Variants in ELK1 observed in about 807,000 individuals in gnomAD.
ELK1 encodes the protein ETS transcription factor ELK1, also known as ETS domain-containing protein Elk-1.
For missense variants in ELK1, 254 were observed against 381.5 expected (o/e 0.67, Z 2.78); for synonymous variants, 163 against 176.3 (o/e 0.92, Z 0.60).
chrX:47,641,400 C>T lies in ELK1; in HGVS notation c.42G>A (p.Leu14=), dbSNP rs923428272. The change falls in exon 3 of 7, where the codon CTG becomes CTA. Residue 14 remains leucine, a synonymous_variant. Transcript: ENST00000376983. ...TGTGGCCATTGCCTTGCTCTCTCAGCAGCTGCAGCAGAAACTGCCACAGCG... is the reference window on the plus strand; with the variant it reads ...TGTGGCCATTGCCTTGCTCTCTCAGTAGCTGCAGCAGAAACTGCCACAGCG... ...SVTLWQFLLQ[L]LREQGNGHII... The T allele has an allele frequency of 4.1e-6, 5 of 1,210,325 alleles. No homozygotes were observed. In the Admixed American group the frequency reaches 1.1e-4, roughly 26 times the overall value.
chrX:47,649,956 G>A lies in ELK1; in HGVS notation c.-70C>T, dbSNP rs2058055536. 9.3e-6 allele frequency: 1 copy of A among 107,612 alleles called. No individual in the cohort carries two copies. Among genetic ancestry groups the A allele is most frequent in the Non-Finnish European group, 1.9e-5 (1 of 52,001 alleles). The allele number at this position is 107,612 out of a possible 1,213,427, so 8.9% of individuals were successfully genotyped here. A position where few individuals can be genotyped will look rare whatever the true frequency, so the allele number is the denominator to read the frequency against. On this transcript the variant is annotated 5_prime_UTR_variant, in exon 2 of 7. Coordinates refer to ENST00000376983, the MANE Select transcript of ELK1 (RefSeq NM_001114123.3). Reference sequence around the variant, plus strand: ...GGATGCGGAGGAGTGCGGCGCCACGGATTGATTCGCTACGATGTACAGGAA... The same window carrying A: ...GGATGCGGAGGAGTGCGGCGCCACGAATTGATTCGCTACGATGTACAGGAA...
In ELK1 at chrX:47,642,388, T is replaced by C. The variant is rs1469498484; in HGVS notation, c.-34-913A>G. 1.9e-4 allele frequency among the ~76,000 whole-genome samples: 20 copies of C among 104,128 alleles called. No individual in the cohort carries two copies. The Admixed American group carries it at 2.1e-3, about 11-fold the overall frequency. The allele number at this position is 104,128 out of a possible 115,157, so 90.4% of individuals were successfully genotyped here. ...TTATCTGTATCTTCTACCATATCAA[T>C]GTCAAGTTTTTCAGGAGGTTTTTTT... On this transcript the variant is annotated intron_variant, in intron 2 of 6. Coordinates refer to ENST00000376983, the MANE Select transcript of ELK1 (RefSeq NM_001114123.3).
intron 2 of ELK1, among the ~76,000 whole-genome samples, chrX:47,643,675 G>A (rs1381940626): frequency 9.1e-6 from 1 of 109,995 alleles, no homozygotes; most frequent in Non-Finnish European, 1.9e-5. Flanking sequence ...GGCCCCAGGG[G>A]TTTTGGGTAA....
chrX:47,638,476 C>T (rs1031238121), intron 4 of ELK1, among the ~76,000 whole-genome samples: 3 of 112,398 alleles, frequency 2.7e-5, no homozygotes, highest in Non-Finnish European at 5.6e-5. Flanking sequence ...AATTTACCTT[C>T]CTCTGGACCA....
chrX:47,644,870 A>G (rs1038231651), intron 2 of ELK1, among the ~76,000 whole-genome samples: 2 of 111,104 alleles, frequency 1.8e-5, no homozygotes, highest in African/African-American at 6.6e-5. Flanking sequence ...GAACAGAGGG[A>G]TGACAGGCTG....
In ELK1 at chrX:47,637,132, T is replaced by C. The variant is rs1187733271; in HGVS notation, c.1087-18A>G. ...ACCGGGGTCTGTGGGGAGAGGGTGGTCGGAGCTCAAGTGAGTAGAAAGTAG... is the reference window on the plus strand; with the variant it reads ...ACCGGGGTCTGTGGGGAGAGGGTGGCCGGAGCTCAAGTGAGTAGAAAGTAG... On this transcript the variant is annotated intron_variant, in intron 5 of 6. Transcript: ENST00000376983. 1 of 1,188,044 alleles carries C rather than the reference T, an allele frequency of 8.4e-7. No homozygotes were observed.
chrX:47,637,957 C>T lies in ELK1; in HGVS notation c.880G>A (p.Ala294Thr), dbSNP rs1231153523. 9 of 1,206,445 alleles carry T rather than the reference C, an allele frequency of 7.5e-6. No individual in the cohort carries two copies. The highest frequency in any genetic ancestry group is 1.0e-5 in the Non-Finnish European group (9 of 893,736). Residue 294 changes from alanine (A) to threonine (T), a missense_variant, in exon 5 of 7, where the codon GCA becomes ACA. Transcript: ENST00000376983. Reference sequence around the variant, plus strand: ...GCCGCATGGCCGCCCGCCTGCCCTGCGGTGTCCATAACAACCGCGGGCAGC... The same window carrying T: ...GCCGCATGGCCGCCCGCCTGCCCTGTGGTGTCCATAACAACCGCGGGCAGC... ...ARLPAVVMDT[A>T]GQAGGHAASS...
Position 47,637,935 on chromosome X carries a change from G to A in ELK1, c.902C>T (p.Ala301Val). ...MDTAGQAGGH[A>V]ASSPEISQPQ... ...CTGGGAGATCTCAGGGCTGGAAGCC[G>A]CATGGCCGCCCGCCTGCCCTGCGGT... is the stretch of plus-strand genomic sequence containing the variant. Residue 301 changes from alanine to valine, a missense_variant, in exon 5 of 7, where the codon GCG becomes GTG. By Grantham distance (64) the Ala-to-Val change is moderately conservative. Coordinates refer to ENST00000376983, the MANE Select transcript of ELK1 (RefSeq NM_001114123.3). 1.7e-6 allele frequency: 2 copies of A among 1,204,268 alleles called. No homozygotes were observed. Among genetic ancestry groups the A allele is most frequent in the Non-Finnish European group, 1.1e-6 (1 of 892,522 alleles).
intron 3 of ELK1, among the ~76,000 whole-genome samples, chrX:47,640,479 T>C (rs1026058709): frequency 9.1e-6 from 1 of 109,774 alleles, no homozygotes; most frequent in African/African-American, 3.3e-5. Context: ...ATTAAGAAAA[T>C]GAAATAACTG....
chrX:47,644,632 C>T (rs1176507682), intron 2 of ELK1, among the ~76,000 whole-genome samples: 1 of 110,637 alleles, frequency 9.0e-6, no homozygotes, highest in African/African-American at 3.3e-5. Flanking sequence ...AGGAACTGAG[C>T]TCGTGAGTAT....
chrX:47,639,994 A>T (rs1432149287), intron 3 of ELK1, among the ~76,000 whole-genome samples: 1 of 112,750 alleles, frequency 8.9e-6, no homozygotes, highest in Non-Finnish European at 1.9e-5. Context: ...TGCAGAGGAG[A>T]GGGTGAGGAG....
At chrX:47,645,780 T>C (rs866889678) in intron 2 of ELK1, among the ~76,000 whole-genome samples, 9 of 112,371 alleles carry the variant, frequency 8.0e-5, no homozygotes, top group Middle Eastern at 4.6e-3. Flanking sequence ...CCTCACTTCA[T>C]GGACTCAATT....
chrX:47,636,974 G>T, intron 6 of ELK1, 39 bp downstream of exon 6: 1 of 1,198,494 alleles, frequency 8.3e-7, no homozygotes, highest in Non-Finnish European at 1.1e-6. Context: ...CCATTCTTGG[G>T]TCTCTCACCC....
rs780417728 is a variant in ELK1 at position 47,636,798 on chromosome X, C to T, written c.*31G>A. The T allele has an allele frequency of 1.1e-4, 118 of 1,103,683 alleles. No homozygotes were observed. The South Asian group carries it at 2.3e-3, about 22-fold the overall frequency. 91.0% of individuals were successfully genotyped at this position (1,103,683 alleles called of 1,213,427 possible). On this transcript the variant is annotated 3_prime_UTR_variant, in exon 7 of 7. Coordinates refer to ENST00000376983, the MANE Select transcript of ELK1 (RefSeq NM_001114123.3). ...TGGAGAGAGCATGGATGGAGTGACCCCAGAAGGGGTGGTGGTGGTGGTGGT... is the reference window on the plus strand; with the variant it reads ...TGGAGAGAGCATGGATGGAGTGACCTCAGAAGGGGTGGTGGTGGTGGTGGT...
intron 3 of ELK1, 34 bp downstream of exon 3, chrX:47,641,198 G>A (rs185919666): frequency 1.0e-5 from 12 of 1,186,534 alleles, no homozygotes; most frequent in African/African-American, 7.0e-5. Flanking sequence ...TAAATGTCAG[G>A]GGGGGGTTCC....
rs1329006940 is a variant in ELK1, at chrX:47,639,249, C to T, written c.300G>A (p.Pro100=). The part of the protein sequence containing the change: ...EVAGCSTEDC[P]PQPEVSVTST... ...AGGTAACAGACACCTCTGGCTGGGG[C>T]GGGCAGTCCTCAGTGGAGCACCCTG... The change falls in exon 4 of 7, where the codon CCG becomes CCA. Residue 100 remains proline, a synonymous_variant. Transcript: ENST00000376983. The T allele has an allele frequency of 2.5e-6, 3 of 1,208,349 alleles. No individual in the cohort carries two copies. The highest frequency in any genetic ancestry group is 1.8e-5 in the African/African-American group (1 of 57,071).
At chrX:47,642,752 C>T (rs983576855) in intron 2 of ELK1, among the ~76,000 whole-genome samples, 1 of 110,364 alleles carries the variant, frequency 9.1e-6, no homozygotes, top group Non-Finnish European at 1.9e-5. Flanking sequence ...GTACCCACGA[C>T]CACGCCCGGC....
chrX:47,644,984 C>T (rs2058039301), intron 2 of ELK1, among the ~76,000 whole-genome samples: 2 of 110,831 alleles, frequency 1.8e-5, no homozygotes, highest in African/African-American at 6.6e-5. Flanking sequence ...GTGGGGCTGG[C>T]GAGAAGTAGC....
At position 47,639,315 on chromosome X, in the gene ELK1, G is replaced by C. The variant is rs142284754; in HGVS notation, c.234C>G (p.Gly78=). 1.2e-4 allele frequency: 146 copies of C among 1,204,781 alleles called. No individual in the cohort carries two copies. The highest frequency in any genetic ancestry group is 2.5e-4 in the Middle Eastern group (1 of 3,937). Residue 78 remains glycine, a synonymous_variant, in exon 4 of 7, where the codon GGC becomes GGG. Transcript: ENST00000376983. ...ACACAAACTTGTAGACGAACTTCTG[G>C]CCGCTCACCTTGCGGATGATGTTCT... ...YDKNIIRKVS[G]QKFVYKFVSY... is the part of the protein sequence containing the mutation.
Sources: allele counts gnomAD v4.1 joint callset (sites outside exome capture counted in the v4.1 genomes callset), GRCh38; gene constraint gnomAD v4.1.1; transcripts MANE v1.5; gene names NCBI Gene and HGNC (gene_info 2026-07-23, HGNC 2026-07-21).